Variants in FSD2 observed in about 807,000 individuals in gnomAD.
The protein encoded by FSD2 is fibronectin type III and SPRY domain-containing protein 2.
FSD2 carries 71 observed loss-of-function variants against 80.4 expected under a neutral mutation model. The observed-to-expected ratio is 0.88, with a 90% CI of 0.73 to 1.08. The LOEUF is 1.08. Among genes scored for constraint, FSD2 ranks in the 50% least tolerant of loss-of-function variants. The pLI is 0.00. For missense variants in FSD2, 923 were observed against 913.8 expected (o/e 1.01, Z -0.13); for synonymous variants, 361 against 329.5 (o/e 1.10, Z -1.03).
In FSD2 at chr15:82,786,994, C is replaced by T; in HGVS notation, c.397G>A (p.Gly133Ser). 2 of 1,614,024 alleles carry T rather than the reference C, an allele frequency of 1.2e-6. No homozygotes were observed. The highest frequency in any genetic ancestry group is 1.7e-6 in the Non-Finnish European group (2 of 1,179,896). Reference protein sequence around the residue: ...SGEAAEAEDLGFGGWGSAGQC... With the variant: ...SGEAAEAEDLSFGGWGSAGQC... ...CCTGCTGAGCCCCACCCTCCGAAGC[C>T]CAGGTCCTCGGCCTCCGCTGCCTCT... Residue 133 changes from glycine to serine, a missense_variant, in exon 2 of 13, where the codon GGC (glycine) becomes AGC (serine). Transcript: ENST00000334574.
At chr15:82,762,059 T>G in intron 12 of FSD2, 43 bp downstream of exon 12, 1 of 1,499,410 alleles carries the variant, frequency 6.7e-7, no homozygotes, top group South Asian at 1.3e-5. Flanking sequence ...CTGTAATCTT[T>G]CAAAAGCAAA....
At chr15:82,790,367 C>T (rs1435345611) in intron 1 of FSD2, among the ~76,000 whole-genome samples, 1 of 152,194 alleles carries the variant, frequency 6.6e-6, no homozygotes, top group Non-Finnish European at 1.5e-5. Context: ...GTCAGACTTA[C>T]ATCATGGTCT....
chr15:82,805,269 A>G (rs190432161), intron 1 of FSD2, among the ~76,000 whole-genome samples: 16 of 151,320 alleles, frequency 1.1e-4, no homozygotes, highest in Non-Finnish European at 2.1e-4. Flanking sequence ...TCATGGGCAT[A>G]TCTACTGAAT....
At chr15:82,766,090 C>G in intron 9 of FSD2, 59 bp from the exon 10 acceptor site, 1 of 1,490,862 alleles carries the variant, frequency 6.7e-7, no homozygotes, top group Admixed American at 2.2e-5. Context: ...GCCCAAGCAC[C>G]AGGCATCCCT....
At position 82,759,009 on chromosome 15, in the gene FSD2, C is replaced by G; in HGVS notation, c.*339G>C. Reference sequence around the variant, plus strand: ...TGCTGCTGGAGCCATTAAGACTACCCTCGTCCTCTCCCAAGCTCTCTAGGT... The same window carrying G: ...TGCTGCTGGAGCCATTAAGACTACCGTCGTCCTCTCCCAAGCTCTCTAGGT... On this transcript the variant is annotated 3_prime_UTR_variant, in exon 13 of 13. Transcript: ENST00000334574. 4.5e-6 allele frequency: 1 copy of G among 223,990 alleles called. No individual in the cohort carries two copies. The highest frequency in any genetic ancestry group is 8.9e-6 in the Non-Finnish European group (1 of 112,070). The allele number at this position is 223,990 out of a possible 1,614,324, so 13.9% of individuals were successfully genotyped here. A position where few individuals can be genotyped will look rare whatever the true frequency, so the allele number is the denominator to read the frequency against.
At position 82,765,206 on chromosome 15, in the gene FSD2, G is replaced by A; in HGVS notation, c.1780C>T (p.Pro594Ser). Residue 594 changes from proline to serine, a missense_variant, in exon 11 of 13, where the codon CCC (proline) becomes TCC (serine). Transcript: ENST00000334574. Reference sequence around the variant, plus strand: ...TCGCTGGGTGACAGCTCCCTGGCGGGGGTTCTCCTTTCACTTCGTACAGCC... The same window carrying A: ...TCGCTGGGTGACAGCTCCCTGGCGGAGGTTCTCCTTTCACTTCGTACAGCC... ...LTAVRSERRTPARELSPSDTH... is the reference protein window; with the variant it reads ...LTAVRSERRTSARELSPSDTH... The A allele has an allele frequency of 6.2e-7, 1 of 1,608,442 alleles. No homozygotes were observed.
rs376329696 is a variant in FSD2, at chr15:82,762,293, T to A, written c.1821-15A>T. ...CAGCAACACACCTGGTTTTAGAAAG[T>A]GGAAGCATGTGTGATCTGGGGTGCC... On this transcript the variant is annotated splice_polypyrimidine_tract_variant and intron_variant, in intron 11 of 12. Coordinates refer to ENST00000334574, the MANE Select transcript of FSD2 (RefSeq NM_001007122.4). 6.2e-7 allele frequency: 1 copy of A among 1,610,750 alleles called. No individual in the cohort carries two copies. Among genetic ancestry groups the A allele is most frequent in the African/African-American group, 1.3e-5 (1 of 74,910 alleles).
chr15:82,776,935 G>A (rs1485733676), intron 6 of FSD2, among the ~76,000 whole-genome samples: 1 of 152,154 alleles, frequency 6.6e-6, no homozygotes, highest in African/African-American at 2.4e-5. Flanking sequence ...CCATCCAAAT[G>A]ATCTTTGCTA....
At chr15:82,790,110 A>G (rs1183649073) in intron 1 of FSD2, among the ~76,000 whole-genome samples, 1 of 152,086 alleles carries the variant, frequency 6.6e-6, no homozygotes, top group African/African-American at 2.4e-5. Context: ...AGGGAGGCGG[A>G]GGTTGCAGTG....
Position 82,759,258 on chromosome 15 carries a change from G to A in FSD2, c.*90C>T. ...GAGCCATAAATTGTGCTGGGCACAT[G>A]GTGCTTAAGTGCCAGGTTCAGCCAG... is the stretch of plus-strand genomic sequence containing the variant. On this transcript the variant is annotated 3_prime_UTR_variant, in exon 13 of 13. Coordinates refer to ENST00000334574, the MANE Select transcript of FSD2 (RefSeq NM_001007122.4). 1 of 1,366,652 alleles carries A rather than the reference G, an allele frequency of 7.3e-7. No individual in the cohort carries two copies. Among genetic ancestry groups the A allele is most frequent in the East Asian group, 2.4e-5 (1 of 42,342 alleles). 84.7% of individuals were successfully genotyped at this position (1,366,652 alleles called of 1,614,324 possible).
In FSD2 at chr15:82,786,920, G is replaced by A. The variant is rs777676484; in HGVS notation, c.471C>T (p.Ala157=). Reference sequence around the variant, plus strand: ...TGACATAGCATTCATACTCCTCGCTGGCACGGCCGTGTGTGTACCTATAGG... The same window carrying A: ...TGACATAGCATTCATACTCCTCGCTAGCACGGCCGTGTGTGTACCTATAGG... ...REAYRYTHGR[A]SEEYECYVIP... is the part of the protein sequence containing the mutation. Residue 157 remains alanine, a synonymous_variant, in exon 2 of 13, where the codon GCC becomes GCT. Transcript: ENST00000334574. The A allele has an allele frequency of 6.2e-7, 1 of 1,613,962 alleles. No homozygotes were observed. Among genetic ancestry groups the A allele is most frequent in the South Asian group, 1.1e-5 (1 of 91,084 alleles).
At chr15:82,774,675 C>T (rs2049668841) in intron 6 of FSD2, among the ~76,000 whole-genome samples, 1 of 150,890 alleles carries the variant, frequency 6.6e-6, no homozygotes, top group Non-Finnish European at 1.5e-5. Flanking sequence ...GAGCTAAAGA[C>T]AAAAATAGGA....
rs932971703 is a variant in FSD2, at chr15:82,757,493, G to C, written c.*1855C>G. 3 of 147,060 alleles carry C rather than the reference G, an allele frequency of 2.0e-5. No homozygotes were observed. The highest frequency in any genetic ancestry group is 7.6e-5 in the African/African-American group (3 of 39,714). 9.1% of individuals were successfully genotyped at this position (147,060 alleles called of 1,614,324 possible). ...ACTACAGGCGCCCGCCACCAGTCCC[G>C]GCTAATTTTTTTGTATTTTTAGTAG... On this transcript the variant is annotated 3_prime_UTR_variant, in exon 13 of 13. Transcript: ENST00000334574.
Position 82,779,028 on chromosome 15 carries a change from T to C in FSD2, c.990-141A>G, listed in dbSNP as rs554104035. ...AGTTACAAACAGCTGCTGGCTGCCA[T>C]CTACCATCTTTTTTGGAGATTGACC... On this transcript the variant is annotated intron_variant, in intron 5 of 12. Transcript: ENST00000334574. 12 of 1,013,694 alleles carry C rather than the reference T, an allele frequency of 1.2e-5. No homozygotes were observed. The African/African-American group carries it at 1.9e-4, about 16-fold the overall frequency. The allele number at this position is 1,013,694 out of a possible 1,614,324, so 62.8% of individuals were successfully genotyped here.
rs1220301169 is a variant in FSD2, at chr15:82,778,763, C to T, written c.1111+3G>A. 6.2e-7 allele frequency: 1 copy of T among 1,606,328 alleles called. No homozygotes were observed. ...GCCGCGAAGTACACACACAGGTGAGCACCTGGAATGGTGTTAATGGAGCCC... is the reference window on the plus strand; with the variant it reads ...GCCGCGAAGTACACACACAGGTGAGTACCTGGAATGGTGTTAATGGAGCCC... On this transcript the variant is annotated splice_donor_region_variant and intron_variant, in intron 6 of 12. Transcript: ENST00000334574.
intron 4 of FSD2, among the ~76,000 whole-genome samples, chr15:82,782,413 C>T (rs999663905): frequency 6.6e-6 from 1 of 152,060 alleles, no homozygotes; most frequent in South Asian, 2.1e-4. Context: ...AAAACCAAAC[C>T]AAAACAAAAC....
chr15:82,784,462 G>A (rs1371642028), intron 3 of FSD2, among the ~76,000 whole-genome samples: 1 of 152,038 alleles, frequency 6.6e-6, no homozygotes, highest in East Asian at 1.9e-4. Flanking sequence ...TGGCTAGGCT[G>A]GTCTCGAACT....
intron 1 of FSD2, among the ~76,000 whole-genome samples, chr15:82,805,003 AG>A (rs1339629160): frequency 6.6e-6 from 1 of 152,212 alleles, no homozygotes; most frequent in East Asian, 1.9e-4. Context: ...AATTAGTCAT[AG>A]TCCATTATGA....
At position 82,787,024 on chromosome 15, in the gene FSD2, T is replaced by G; in HGVS notation, c.367A>C (p.Ser123Arg). 1 of 1,614,000 alleles carries G rather than the reference T, an allele frequency of 6.2e-7. No homozygotes were observed. The highest frequency in any genetic ancestry group is 8.5e-7 in the Non-Finnish European group (1 of 1,179,882). The stretch of plus-strand genomic sequence containing the variant: ...TCCTCGGCCTCCGCTGCCTCTCCAC[T>G]AAGTCTCCAGTCTCTCTGCTCCCTG... The part of the protein sequence containing the change: ...PAREQRDWRL[S>R]GEAAEAEDLG... The change falls in exon 2 of 13, where the codon AGT becomes CGT. Residue 123 changes from serine to arginine, a missense_variant. Ser to Arg is a moderately radical substitution (Grantham distance 110). Transcript: ENST00000334574.
Sources: gnomAD v4.1 joint callset for allele counts (sites outside exome capture counted in the v4.1 genomes callset) on GRCh38, gnomAD v4.1.1 for gene constraint, MANE v1.5 for transcripts, NCBI Gene and HGNC (gene_info 2026-07-23, HGNC 2026-07-21) for gene names.